Variants in GRID2 observed in about 807,000 individuals in gnomAD.
The protein encoded by GRID2 is glutamate receptor ionotropic, delta-2.
In GRID2, 33 loss-of-function variants were observed where a neutral mutation model predicts 114.8. The observed-to-expected ratio is 0.29, with a 90% CI of 0.22 to 0.38. The LOEUF is 0.38. GRID2 is among the 10% of genes least tolerant of loss of function. The pLI, the probability that GRID2 is intolerant of heterozygous loss-of-function variation, is 1.00. For synonymous variants in GRID2, 505 were observed against 449.9 expected, an observed-to-expected ratio of 1.12 and a Z score of -1.55; for missense variants, 1,184 against 1,257.7, an observed-to-expected ratio of 0.94 and a Z score of 0.89.
At chr4:92,476,727 TA>T (rs1199642125) in intron 1 of GRID2, among the ~76,000 whole-genome samples, 1 of 152,198 alleles carries the variant, frequency 6.6e-6, no homozygotes, top group African/African-American at 2.4e-5. Context: ...AGCTGTATTC[TA>T]AAAAAGATTA....
At chr4:93,140,599 G>A (rs1276329026) in intron 4 of GRID2, among the ~76,000 whole-genome samples, 2 of 152,144 alleles carry the variant, frequency 1.3e-5, no homozygotes, top group African/African-American at 2.4e-5. Context: ...TTCTGAAGTT[G>A]CCATTAGAAA....
chr4:93,200,039 C>T (rs1286573739), intron 4 of GRID2, among the ~76,000 whole-genome samples: 1 of 152,046 alleles, frequency 6.6e-6, no homozygotes, highest in Non-Finnish European at 1.5e-5. Context: ...TTAGTTTTAG[C>T]AGAACTCTAT....
intron 2 of GRID2, among the ~76,000 whole-genome samples, chr4:92,706,452 T>C (rs1053544223): frequency 2.7e-5 from 4 of 146,878 alleles, no homozygotes; most frequent in Non-Finnish European, 6.0e-5. Context: ...ATGAAATCCA[T>C]ATGGATATCC....
At chr4:93,740,911 AT>A (rs1228045488) in intron 14 of GRID2, among the ~76,000 whole-genome samples, 1 of 148,288 alleles carries the variant, frequency 6.7e-6, no homozygotes, top group Non-Finnish European at 1.5e-5. Context: ...GCTTCAGTTC[AT>A]TTTTTCCTCT....
At chr4:93,239,234 A>G (rs1190178161) in intron 8 of GRID2, among the ~76,000 whole-genome samples, 1 of 148,498 alleles carries the variant, frequency 6.7e-6, no homozygotes, top group African/African-American at 2.4e-5. Context: ...ACACATATAG[A>G]TATATTTGGT....
Position 92,698,006 on chromosome 4 carries a change from A to G in GRID2, c.244+107720A>G, listed in dbSNP as rs370870508. Among the ~76,000 whole-genome samples, 20 of 152,294 alleles carry G rather than the reference A, an allele frequency of 1.3e-4. No homozygotes were observed. The East Asian group carries it at 1.9e-3, about 15-fold the overall frequency. On this transcript the variant is annotated intron_variant, in intron 2 of 15. Transcript: ENST00000282020. ...TTTGATAAGGAGTTGTACAACATCA[A>G]TTAAATACATCAACTCATTCTGAAA...
At chr4:92,960,534 T>C (rs945405060) in intron 2 of GRID2, among the ~76,000 whole-genome samples, 1 of 152,044 alleles carries the variant, frequency 6.6e-6, no homozygotes, top group Non-Finnish European at 1.5e-5. Flanking sequence ...TCTGATACTA[T>C]CCTTGCTCTG....
chr4:92,837,553 T>C (rs1742546096), intron 2 of GRID2, among the ~76,000 whole-genome samples: 1 of 151,960 alleles, frequency 6.6e-6, no homozygotes, highest in South Asian at 2.1e-4. Flanking sequence ...GGTTAAAATT[T>C]TATGTTCTGA....
At chr4:93,729,988 G>C (rs750606183) in intron 14 of GRID2, among the ~76,000 whole-genome samples, 6 of 152,102 alleles carry the variant, frequency 3.9e-5, no homozygotes, top group Non-Finnish European at 8.8e-5. Context: ...ACAGAGCCTG[G>C]CACATTAGGC....
intron 14 of GRID2, among the ~76,000 whole-genome samples, chr4:93,716,290 C>T (rs1266918041): frequency 1.3e-5 from 2 of 152,094 alleles, no homozygotes; most frequent in African/African-American, 2.4e-5. Flanking sequence ...CTATCCTGAG[C>T]ATTGCTAGAT....
intron 2 of GRID2, among the ~76,000 whole-genome samples, chr4:92,656,113 A>G (rs187410315): frequency 6.6e-6 from 1 of 151,798 alleles, no homozygotes; most frequent in East Asian, 1.9e-4. Context: ...AGGAACTTCC[A>G]TACTATTTTT....
chr4:93,278,264 C>T (rs1430558345), intron 8 of GRID2, among the ~76,000 whole-genome samples: 1 of 96,780 alleles, frequency 1.0e-5, no homozygotes, highest in Non-Finnish European at 2.3e-5. Context: ...ATAATTTTGA[C>T]TTTAAAAAAA....
At chr4:92,958,706 C>T (rs1053256599) in intron 2 of GRID2, among the ~76,000 whole-genome samples, 2 of 152,040 alleles carry the variant, frequency 1.3e-5, no homozygotes, top group Admixed American at 6.6e-5. Flanking sequence ...AAAGTATTCA[C>T]TCTGTTTCCA....
intron 4 of GRID2, among the ~76,000 whole-genome samples, chr4:93,117,463 T>A (rs1404280769): frequency 6.6e-6 from 1 of 152,184 alleles, no homozygotes; most frequent in Non-Finnish European, 1.5e-5. Flanking sequence ...CAAATTCACC[T>A]ATTCATTAAG....
intron 1 of GRID2, among the ~76,000 whole-genome samples, chr4:92,327,599 T>C (rs1726664581): frequency 6.6e-6 from 1 of 151,888 alleles, no homozygotes; most frequent in Non-Finnish European, 1.5e-5. Context: ...AGCCCAGTCC[T>C]ACATAAAACA....
chr4:92,887,180 C>A (rs1037384516), intron 2 of GRID2, among the ~76,000 whole-genome samples: 6 of 152,164 alleles, frequency 3.9e-5, no homozygotes, highest in African/African-American at 1.4e-4. Flanking sequence ...GGTCTACACT[C>A]TCCTGAGAGA....
intron 1 of GRID2, among the ~76,000 whole-genome samples, chr4:92,533,183 T>G (rs1006678172): frequency 7.6e-6 from 1 of 131,338 alleles, no homozygotes; most frequent in East Asian, 2.1e-4. Context: ...AACTTTGGTG[T>G]GTTTTTTTGT....
At chr4:93,524,830 T>TATAC (rs1181554860) in intron 13 of GRID2, among the ~76,000 whole-genome samples, 8 of 104,948 alleles carry the variant, frequency 7.6e-5, no homozygotes, top group Admixed American at 7.1e-4. Context: ...TATGTATATA[T>TATAC]ATATATATAT....
chr4:93,144,823 A>C (rs905391474), intron 4 of GRID2, among the ~76,000 whole-genome samples: 11 of 152,348 alleles, frequency 7.2e-5, no homozygotes, highest in Non-Finnish European at 1.5e-4. Context: ...ATAAAAGTCC[A>C]AAATGATACA....
Sources: gnomAD v4.1 joint callset for allele counts (sites outside exome capture counted in the v4.1 genomes callset) on GRCh38, gnomAD v4.1.1 for gene constraint, MANE v1.5 for transcripts, NCBI Gene and HGNC (gene_info 2026-07-23, HGNC 2026-07-21) for gene names.